The following DIXDC1 variants were observed in gnomAD, a reference collection of about 807,000 sequenced individuals.
DIXDC1 encodes the protein DIX domain containing 1.
Under a neutral mutation model 103.1 loss-of-function variants are expected in DIXDC1, and 64 were observed. The ratio of observed to expected loss-of-function variants is 0.62; its 90% CI spans 0.51 to 0.76. The LOEUF (loss-of-function observed/expected upper bound fraction) is 0.76, where lower values mean the gene tolerates loss of function less well. Among genes scored for constraint, DIXDC1 ranks in the 30% least tolerant of loss-of-function variants. DIXDC1 has a pLI of 0.00. For synonymous variants in DIXDC1, 266 were observed against 298.5 expected, an observed-to-expected ratio of 0.89 and a Z score of 1.12; for missense variants, 759 against 834.2, an observed-to-expected ratio of 0.91 and a Z score of 1.11.
chr11:112,010,035 T>C (rs1861366088), intron 17 of DIXDC1, among the ~76,000 whole-genome samples: 1 of 151,754 alleles, frequency 6.6e-6, no homozygotes, highest in Admixed American at 6.6e-5. Context: ...TGTTTGCAGA[T>C]GACATGACTA....
chr11:112,009,713 T>C lies in DIXDC1; in HGVS notation c.1757-6978T>C, dbSNP rs1351617529. ...AACAGAACCAAAGAGAAAAACCACA[T>C]GATTATCTCAATAGATGCAGAAAAG... On this transcript the variant is annotated intron_variant, in intron 17 of 19. Transcript: ENST00000440460. Among the ~76,000 whole-genome samples the C allele has an allele frequency of 2.0e-5, 3 of 152,164 alleles. No homozygotes were observed. In the East Asian group the frequency reaches 5.8e-4, roughly 29 times the overall value.
chr11:111,937,653 G>T, intron 1 of DIXDC1, 94 bp downstream of exon 1: 5 of 1,340,210 alleles, frequency 3.7e-6, no homozygotes, highest in Non-Finnish European at 2.1e-6. Context: ...CCATCCTTTG[G>T]GGACCCCAGA....
chr11:111,948,253 A>G (rs1966663544), intron 1 of DIXDC1, among the ~76,000 whole-genome samples: 1 of 152,024 alleles, frequency 6.6e-6, no homozygotes, highest in African/African-American at 2.4e-5. Context: ...CTGAAACTCT[A>G]CTCTGCTCAA....
intron 9 of DIXDC1, among the ~76,000 whole-genome samples, chr11:111,987,713 G>A (rs2137566423): frequency 6.8e-6 from 1 of 147,234 alleles, no homozygotes; most frequent in South Asian, 2.1e-4. Context: ...AGGCCGGAGT[G>A]CAATGGTGCA....
At chr11:111,948,709 C>T (rs1386173879) in intron 1 of DIXDC1, among the ~76,000 whole-genome samples, 11 of 150,618 alleles carry the variant, frequency 7.3e-5, no homozygotes, top group Admixed American at 2.7e-4. Flanking sequence ...CTCCTTCATT[C>T]TCCCCGTCCC....
At chr11:111,939,390 G>C (rs1408522840) in intron 1 of DIXDC1, among the ~76,000 whole-genome samples, 1 of 152,128 alleles carries the variant, frequency 6.6e-6, no homozygotes, top group African/African-American at 2.4e-5. Flanking sequence ...TTTTGTGGTG[G>C]TAATGGAATC....
chr11:111,933,506 T>C (rs782281315), upstream of DIXDC1, among the ~76,000 whole-genome samples: 1 of 152,106 alleles, frequency 6.6e-6, no homozygotes, highest in African/African-American at 2.4e-5. Context: ...CACGGCTCAC[T>C]GTAGCCTCAA....
At chr11:111,985,372 G>A in intron 8 of DIXDC1, 51 bp downstream of exon 8, 1 of 1,462,240 alleles carries the variant, frequency 6.8e-7, no homozygotes, top group Non-Finnish European at 9.4e-7. Context: ...TATTTTACTT[G>A]TATTTAGCAT....
At chr11:111,962,342 C>T (rs958752835) in intron 1 of DIXDC1, among the ~76,000 whole-genome samples, 7 of 152,182 alleles carry the variant, frequency 4.6e-5, no homozygotes, top group African/African-American at 1.7e-4. Context: ...ATTAGCCCGG[C>T]GTGGTGGCAG....
intron 6 of DIXDC1, among the ~76,000 whole-genome samples, 165 bp downstream of exon 6, chr11:111,981,014 A>G (rs1860285352): frequency 6.6e-6 from 1 of 152,282 alleles, no homozygotes; most frequent in African/African-American, 2.4e-5. Context: ...TAATGTGGTT[A>G]TCCTCTTGCA....
chr11:111,937,289 C>T (rs1966236777), upstream of DIXDC1: 1 of 1,327,972 alleles, frequency 7.5e-7, no homozygotes, highest in Non-Finnish European at 9.6e-7. Flanking sequence ...ACCGCGACCG[C>T]GCCGGGCCCC....
intron 1 of DIXDC1, among the ~76,000 whole-genome samples, chr11:111,962,946 T>A (rs1859627841): frequency 6.6e-6 from 1 of 152,188 alleles, no homozygotes; most frequent in African/African-American, 2.4e-5. Context: ...GATGGGTGTC[T>A]GGCCCACGTG....
rs587619438 is a variant in DIXDC1 at position 111,970,358 on chromosome 11, T to C, written c.316+1720T>C. ...GCATGAGCCACTGCACCTGGCCAAA[T>C]CAGTTGCATTTCTATACACCAATAA... On this transcript the variant is annotated intron_variant, in intron 3 of 19. Coordinates refer to ENST00000440460, the MANE Select transcript of DIXDC1 (RefSeq NM_001037954.4). Among the ~76,000 whole-genome samples, 10 of 152,322 alleles carry C rather than the reference T, an allele frequency of 6.6e-5. No homozygotes were observed. In the East Asian group the frequency reaches 1.7e-3, roughly 26 times the overall value.
chr11:111,982,502 T>A lies in DIXDC1; in HGVS notation c.918+15T>A, dbSNP rs368609947. 1.9e-5 allele frequency: 30 copies of A among 1,611,130 alleles called. No individual in the cohort carries two copies. The highest frequency in any genetic ancestry group is 2.2e-5 in the Non-Finnish European group (26 of 1,178,774). ...CAGGACTACAGGTAGCTCTCTCCCTTGTAGTTTGCCCTTGTTATACCAATT... is the reference window on the plus strand; with the variant it reads ...CAGGACTACAGGTAGCTCTCTCCCTAGTAGTTTGCCCTTGTTATACCAATT... On this transcript the variant is annotated intron_variant, in intron 7 of 19. Coordinates refer to ENST00000440460, the MANE Select transcript of DIXDC1 (RefSeq NM_001037954.4).
At chr11:111,957,795 G>C (rs1478481227) in intron 1 of DIXDC1, among the ~76,000 whole-genome samples, 1 of 152,246 alleles carries the variant, frequency 6.6e-6, no homozygotes, top group East Asian at 1.9e-4. Context: ...AAGGACATTA[G>C]TGGGACAGTT....
intron 7 of DIXDC1, among the ~76,000 whole-genome samples, chr11:111,982,764 C>T (rs782596474): frequency 6.6e-5 from 10 of 152,228 alleles, no homozygotes; most frequent in African/African-American, 9.6e-5. Flanking sequence ...CTCTGTGCTA[C>T]ATAGGTGGGC....
At chr11:111,937,603 C>T (rs1555168381) in intron 1 of DIXDC1, 44 bp downstream of exon 1, 2 of 1,546,526 alleles carry the variant, frequency 1.3e-6, no homozygotes, top group Non-Finnish European at 1.8e-6. Flanking sequence ...CCTCCCCCAG[C>T]GTCTCCCGCC....
chr11:112,000,536 G>A (rs57441013), intron 17 of DIXDC1, among the ~76,000 whole-genome samples: 12,742 of 151,534 alleles, frequency 0.084, 1,592 homozygotes, highest in African/African-American at 0.27. Flanking sequence ...GTCTCTACTA[G>A]AAATACAAAA....
In DIXDC1 at chr11:111,937,617, T is replaced by A; in HGVS notation, c.60+58T>A. 2.0e-6 allele frequency: 3 copies of A among 1,522,582 alleles called. No individual in the cohort carries two copies. In the South Asian group the frequency reaches 3.6e-5, roughly 18 times the overall value. The allele number at this position is 1,522,582 out of a possible 1,614,324, so 94.3% of individuals were successfully genotyped here. On this transcript the variant is annotated intron_variant, in intron 1 of 19. Transcript: ENST00000440460. ...CCCTCCCCCAGCGTCTCCCGCCCAG[T>A]CTCCGGAAGGGGTCCTCCTCCTCCT...
Sources: gnomAD v4.1 joint callset for allele counts (sites outside exome capture counted in the v4.1 genomes callset) on GRCh38, gnomAD v4.1.1 for gene constraint, MANE v1.5 for transcripts, NCBI Gene and HGNC (gene_info 2026-07-23, HGNC 2026-07-21) for gene names.